Variants in MLLT10 observed in about 807,000 individuals in gnomAD.
MLLT10 encodes protein AF-10.
Under a neutral mutation model 129.1 loss-of-function variants are expected in MLLT10, and 30 were observed. The ratio of observed to expected loss-of-function variants is 0.23; its 90% CI spans 0.17 to 0.32. The LOEUF (loss-of-function observed/expected upper bound fraction) is 0.32, where lower values mean the gene tolerates loss of function less well. Among genes scored for constraint, MLLT10 ranks in the 10% least tolerant of loss-of-function variants. The probability of loss-of-function intolerance (pLI) is 1.00; values close to 1 mark genes in which losing one functional copy is unlikely to be tolerated. For synonymous variants in MLLT10, 490 were observed against 446.4 expected (o/e 1.10, Z -1.23); for missense variants, 1,119 against 1,268.3 (o/e 0.88, Z 1.79).
intron 7 of MLLT10, among the ~76,000 whole-genome samples, chr10:21,616,812 CTTTTTA>C (rs984159354): frequency 1.2e-4 from 18 of 151,772 alleles, no homozygotes; most frequent in African/African-American, 4.4e-4. Context: ...TGTATTGAAA[CTTTTTA>C]TTTTTAAGCT....
At chr10:21,614,495 G>A (rs2045027936) in intron 6 of MLLT10, among the ~76,000 whole-genome samples, 1 of 152,112 alleles carries the variant, frequency 6.6e-6, no homozygotes, top group African/African-American at 2.4e-5. Flanking sequence ...GTAAAATGAA[G>A]TGTTAACTGA....
chr10:21,732,807 T>C, intron 17 of MLLT10, 92 bp from the exon 18 acceptor site: 1 of 1,024,104 alleles, frequency 9.8e-7, no homozygotes, highest in Non-Finnish European at 1.4e-6. Flanking sequence ...CTGTTCTATT[T>C]TAACTTATTT....
intron 8 of MLLT10, among the ~76,000 whole-genome samples, chr10:21,631,892 T>TA (rs1301131174): frequency 6.6e-6 from 1 of 151,464 alleles, no homozygotes; most frequent in Non-Finnish European, 1.5e-5. Context: ...CTTTGAAAGT[T>TA]AGATAAATCT....
chr10:21,576,393 C>T (rs2040750725), intron 3 of MLLT10, among the ~76,000 whole-genome samples: 1 of 151,846 alleles, frequency 6.6e-6, no homozygotes, highest in African/African-American at 2.4e-5. Flanking sequence ...CAGGCACCCG[C>T]CACCACGCCC....
At chr10:21,694,958 A>G (rs138601022) in intron 13 of MLLT10, among the ~76,000 whole-genome samples, 147 of 152,138 alleles carry the variant, frequency 9.7e-4, no homozygotes, top group African/African-American at 3.2e-3. Context: ...CAAGCCAGCA[A>G]TGATGAGTTG....
At chr10:21,575,835 A>G (rs2040675424) in intron 3 of MLLT10, among the ~76,000 whole-genome samples, 1 of 152,080 alleles carries the variant, frequency 6.6e-6, no homozygotes, top group African/African-American at 2.4e-5. Flanking sequence ...ATTTATAATT[A>G]TTATGACTTC....
chr10:21,580,243 C>A (rs1488076062), intron 3 of MLLT10, among the ~76,000 whole-genome samples: 2 of 151,726 alleles, frequency 1.3e-5, no homozygotes, highest in African/African-American at 4.8e-5. Context: ...ATAGGTTTAT[C>A]TTCAGTGGGC....
upstream of MLLT10, chr10:21,534,147 C>G (rs1312444925): frequency 2.8e-6 from 1 of 363,048 alleles, no homozygotes; most frequent in Non-Finnish European, 4.9e-6. Flanking sequence ...GGAGGTAGGC[C>G]GGGGGCAGCC....
At chr10:21,715,970 T>G (rs896223274) in intron 14 of MLLT10, among the ~76,000 whole-genome samples, 1 of 152,248 alleles carries the variant, frequency 6.6e-6, no homozygotes, top group Admixed American at 6.5e-5. Context: ...AAGCTGAAGC[T>G]TATTTAGCCT....
Position 21,534,278 on chromosome 10 carries a change from C to T in MLLT10, c.-243C>T. ...GAGGAGGAAGCGCAGCCCCCTTCCC[C>T]TCCCTCGCTGCCCCTGGCCCAGCGG... On this transcript the variant is annotated 5_prime_UTR_variant, in exon 1 of 23. Transcript: ENST00000307729. 1 of 400,532 alleles carries T rather than the reference C, an allele frequency of 2.5e-6. No individual in the cohort carries two copies. Among genetic ancestry groups the T allele is most frequent in the Non-Finnish European group, 4.4e-6 (1 of 226,744 alleles). The allele number at this position is 400,532 out of a possible 1,614,324, so 24.8% of individuals were successfully genotyped here.
At chr10:21,665,312 G>C (rs563388901) in intron 9 of MLLT10, among the ~76,000 whole-genome samples, 1,541 of 130,586 alleles carry the variant, frequency 0.012, 63 homozygotes, top group African/African-American at 0.042. Context: ...GGGGGGGGGG[G>C]GGTTTCACTC....
intron 5 of MLLT10, among the ~76,000 whole-genome samples, chr10:21,602,317 A>AC (rs942345966): frequency 6.6e-6 from 1 of 150,672 alleles, no homozygotes; most frequent in Non-Finnish European, 1.5e-5. Context: ...TTTCTCCCCT[A>AC]CCCCCAGCTG....
At chr10:21,590,594 C>T (rs2042400812) in intron 4 of MLLT10, among the ~76,000 whole-genome samples, 1 of 152,176 alleles carries the variant, frequency 6.6e-6, no homozygotes, top group Non-Finnish European at 1.5e-5. Flanking sequence ...CCGCCTTGGC[C>T]TCCCAGAGTG....
At chr10:21,717,164 A>T (rs925105902) in intron 14 of MLLT10, among the ~76,000 whole-genome samples, 5 of 144,850 alleles carry the variant, frequency 3.5e-5, no homozygotes, top group African/African-American at 1.0e-4. Flanking sequence ...GAGGCAGGAG[A>T]ATTGCTTGAA....
intron 3 of MLLT10, among the ~76,000 whole-genome samples, chr10:21,560,333 T>A (rs900182548): frequency 6.6e-6 from 1 of 152,210 alleles, no homozygotes; most frequent in Non-Finnish European, 1.5e-5. Flanking sequence ...AAAATGTTTT[T>A]CACAGAGACT....
chr10:21,661,406 C>T (rs113677373), intron 9 of MLLT10, among the ~76,000 whole-genome samples: 2 of 152,282 alleles, frequency 1.3e-5, no homozygotes, highest in African/African-American at 4.8e-5. Flanking sequence ...GTATCAATTT[C>T]TATCAGTTTT....
intron 9 of MLLT10, among the ~76,000 whole-genome samples, chr10:21,658,669 C>CT (rs1214573275): frequency 6.6e-6 from 1 of 152,010 alleles, no homozygotes; most frequent in Admixed American, 6.6e-5. Flanking sequence ...TAGGTATATG[C>CT]TTTTTTTGTA....
intron 3 of MLLT10, chr10:21,557,972 CAG>C (rs2038278642): frequency 1.8e-5 from 2 of 108,420 alleles, no homozygotes; most frequent in African/African-American, 7.4e-5. Flanking sequence ...TTTTTGGAGA[CAG>C]AGTCTCGCTC....
intron 9 of MLLT10, among the ~76,000 whole-genome samples, chr10:21,664,715 C>T (rs1299724768): frequency 6.6e-6 from 1 of 151,880 alleles, no homozygotes; most frequent in Non-Finnish European, 1.5e-5. Context: ...CTTGTTTGTT[C>T]TGTCAGTTAT....
Sources: gnomAD v4.1 joint callset for allele counts (sites outside exome capture counted in the v4.1 genomes callset) on GRCh38, gnomAD v4.1.1 for gene constraint, MANE v1.5 for transcripts, NCBI Gene and HGNC (gene_info 2026-07-23, HGNC 2026-07-21) for gene names.